ANXA8: variants seen among roughly 807,000 people sequenced by gnomAD.
ANXA8 encodes VAC-beta.
ANXA8 carries 9 observed loss-of-function variants against 26.8 expected under a neutral mutation model. The observed-to-expected ratio is 0.34, with a 90% confidence interval of 0.20 to 0.59. The LOEUF (loss-of-function observed/expected upper bound fraction) is 0.59, where lower values mean the gene tolerates loss of function less well. Among genes scored for constraint, ANXA8 ranks in the 20% least tolerant of loss-of-function variants. ANXA8 has a pLI of 0.84. For synonymous variants in ANXA8, 39 were observed against 94.8 expected (o/e 0.41, Z 3.42); for missense variants, 83 against 238.5 (o/e 0.35, Z 4.29).
chr10:47,949,586 A>G, the ANXA8 span, among the ~76,000 whole-genome samples: 3 of 150,902 alleles, frequency 2.0e-5, no homozygotes, highest in Admixed American at 2.0e-4. Flanking sequence ...GTGGCTTATA[A>G]CATATTAAAG....
At chr10:47,626,553 C>T in the ANXA8 span, among the ~76,000 whole-genome samples, 1 of 149,866 alleles carries the variant, frequency 6.7e-6, no homozygotes, top group Non-Finnish European at 1.5e-5. Flanking sequence ...TTTCTCCACT[C>T]TAATATATAC....
the ANXA8 span, among the ~76,000 whole-genome samples, chr10:47,572,687 A>G: frequency 5.1e-5 from 7 of 138,066 alleles, no homozygotes; most frequent in African/African-American, 1.9e-4. Context: ...GTTGTACTCC[A>G]GCCTGGGCAA....
chr10:47,762,491 A>C, the ANXA8 span: 1 of 251,318 alleles, frequency 4.0e-6, no homozygotes. Flanking sequence ...CTCAGCGTCT[A>C]CTCCATCCCA....
chr10:47,959,902 C>T, the ANXA8 span, among the ~76,000 whole-genome samples: 5 of 151,646 alleles, frequency 3.3e-5, no homozygotes, highest in Middle Eastern at 3.4e-3. Context: ...GATCCAGATG[C>T]CATGCTGTGA....
chr10:47,680,175 G>A, the ANXA8 span, among the ~76,000 whole-genome samples: 3 of 151,484 alleles, frequency 2.0e-5, no homozygotes, highest in African/African-American at 7.3e-5. Context: ...ACGTTAGCCA[G>A]GCTGGTCTCA....
the ANXA8 span, among the ~76,000 whole-genome samples, chr10:47,498,064 T>C: frequency 3.0e-5 from 4 of 134,100 alleles, 1 homozygote; most frequent in East Asian, 4.2e-4. Flanking sequence ...GGTTGGGTAA[T>C]GTATATTCAC....
At chr10:47,580,356 T>C in the ANXA8 span, among the ~76,000 whole-genome samples, 1 of 152,258 alleles carries the variant, frequency 6.6e-6, no homozygotes, top group East Asian at 1.9e-4. Context: ...AGAATATATA[T>C]TCCTCTCAAG....
At chr10:47,503,787 A>T in the ANXA8 span, among the ~76,000 whole-genome samples, 1 of 133,788 alleles carries the variant, frequency 7.5e-6, no homozygotes, top group African/African-American at 3.0e-5. Flanking sequence ...AAAAAAAATT[A>T]GCTGGGCATG....
chr10:47,546,792 G>A, the ANXA8 span, among the ~76,000 whole-genome samples: 1 of 141,816 alleles, frequency 7.1e-6, no homozygotes, highest in African/African-American at 2.6e-5. Context: ...TAATACTAAA[G>A]ATAGTTCTGT....
chr10:47,557,004 T>C, the ANXA8 span, among the ~76,000 whole-genome samples: 1 of 86,118 alleles, frequency 1.2e-5, no homozygotes, highest in African/African-American at 5.3e-5. Context: ...ATTTTCTTTC[T>C]TTTTTTTTTT....
At chr10:47,907,078 C>T in the ANXA8 span, among the ~76,000 whole-genome samples, 1 of 151,584 alleles carries the variant, frequency 6.6e-6, no homozygotes, top group African/African-American at 2.4e-5. Context: ...GGATCCAGGC[C>T]GGGCGCGGTG....
In ANXA8 at chr10:47,468,913, G is replaced by A. The variant is rs1839200623; in HGVS notation, c.925-7C>T. 1 of 1,611,002 alleles carries A rather than the reference G, an allele frequency of 6.2e-7. No homozygotes were observed. The highest frequency in any genetic ancestry group is 8.5e-7 in the Non-Finnish European group (1 of 1,179,590). ...AGTCACCGCTGGTGTCTTCCTGTGG[G>A]CAGGAGGCGCATAAGCGTGAGAAGG... On this transcript the variant is annotated splice_polypyrimidine_tract_variant and splice_region_variant and intron_variant, in intron 11 of 11. Coordinates refer to ENST00000585281, the MANE Select transcript of ANXA8 (RefSeq NM_001040084.3).
the ANXA8 span, among the ~76,000 whole-genome samples, chr10:47,756,631 C>T: frequency 6.6e-6 from 1 of 152,270 alleles, no homozygotes; most frequent in Non-Finnish European, 1.5e-5. Flanking sequence ...GGTCTGGATC[C>T]TGCCTGGCTT....
chr10:47,733,261 T>G, the ANXA8 span, among the ~76,000 whole-genome samples: 4 of 110,964 alleles, frequency 3.6e-5, no homozygotes, highest in African/African-American at 1.4e-4. Context: ...CTTTCTTTCT[T>G]TCTTTCTTTC....
chr10:47,581,902 G>A, the ANXA8 span, among the ~76,000 whole-genome samples: 549 of 150,168 alleles, frequency 3.7e-3, 15 homozygotes, highest in Non-Finnish European at 5.3e-3. Context: ...ACCGTGCCCC[G>A]CCAATGCTAT....
the ANXA8 span, among the ~76,000 whole-genome samples, chr10:47,776,112 G>A: frequency 1.5e-4 from 23 of 152,190 alleles, no homozygotes; most frequent in African/African-American, 5.5e-4. Flanking sequence ...GAGGAAACCG[G>A]TCTGGGAAGC....
At chr10:47,701,528 G>T in the ANXA8 span, among the ~76,000 whole-genome samples, 11 of 151,880 alleles carry the variant, frequency 7.2e-5, no homozygotes, top group African/African-American at 2.7e-4. Context: ...TGTACAAAAA[G>T]AATGAAAAAG....
the ANXA8 span, among the ~76,000 whole-genome samples, chr10:47,970,844 G>T: frequency 6.6e-6 from 1 of 151,304 alleles, no homozygotes; most frequent in Non-Finnish European, 1.5e-5. Context: ...CGAAGGCTGG[G>T]TTTGCTGAGG....
the ANXA8 span, among the ~76,000 whole-genome samples, chr10:47,600,787 C>CCCA: frequency 7.4e-6 from 1 of 134,938 alleles, no homozygotes; most frequent in South Asian, 2.5e-4. Flanking sequence ...GAGACTCTTC[C>CCCA]ATTTTCTATA....
Sources: gnomAD v4.1 joint callset for allele counts (sites outside exome capture counted in the v4.1 genomes callset) on GRCh38, gnomAD v4.1.1 for gene constraint, MANE v1.5 for transcripts, NCBI Gene and HGNC (gene_info 2026-07-23, HGNC 2026-07-21) for gene names.